Variants in TGFA observed in about 807,000 individuals in gnomAD.
TGFA encodes the protein protransforming growth factor alpha.
Under a neutral mutation model 21.7 loss-of-function variants are expected in TGFA, and 12 were observed. That is an observed-to-expected ratio of 0.55 (90% CI 0.35 to 0.90). The LOEUF (loss-of-function observed/expected upper bound fraction) is 0.90. Ranked by LOEUF, TGFA falls within the 40% of genes least tolerant of loss-of-function variation. The pLI, the probability that TGFA is intolerant of heterozygous loss-of-function variation, is 0.01. For missense variants in TGFA, 178 were observed against 210.8 expected (o/e 0.84, Z 0.96); for synonymous variants, 79 against 88.1 (o/e 0.90, Z 0.58).
rs1670479422 is a variant in TGFA at position 70,464,022 on chromosome 2, CCT to C, written c.215+1592_215+1593del. On this transcript the variant is annotated intron_variant, in intron 3 of 5. Coordinates refer to ENST00000295400, the MANE Select transcript of TGFA (RefSeq NM_003236.4). ...TCCGAGGAGGAGGGTGGCCAGTGTGCCTCTCCTTCTTTCTCTCCAGGTGAGGG... is the reference window on the plus strand; with the variant it reads ...TCCGAGGAGGAGGGTGGCCAGTGTGCCTCCTTCTTTCTCTCCAGGTGAGGG... 2.0e-5 allele frequency among the ~76,000 whole-genome samples: 3 copies of C among 152,316 alleles called. No individual in the cohort carries two copies. In the East Asian group the frequency reaches 5.8e-4, roughly 29 times the overall value.
intron 1 of TGFA, among the ~76,000 whole-genome samples, chr2:70,517,349 A>T (rs1672316036): frequency 6.6e-6 from 1 of 152,200 alleles, no homozygotes. Flanking sequence ...AGGCCCTGTG[A>T]TGAGCGGCAA....
At chr2:70,508,204 G>A (rs543808181) in intron 2 of TGFA, among the ~76,000 whole-genome samples, 1 of 152,278 alleles carries the variant, frequency 6.6e-6, no homozygotes, top group African/African-American at 2.4e-5. Flanking sequence ...CAGCACTTTG[G>A]GACGCTGAGG....
intron 2 of TGFA, among the ~76,000 whole-genome samples, chr2:70,466,538 CA>C (rs1670571189): frequency 1.3e-5 from 2 of 151,816 alleles, no homozygotes; most frequent in African/African-American, 2.4e-5. Context: ...AACAAACAAA[CA>C]AAAAAACCAA....
At chr2:70,452,492 A>C (rs782770173) in intron 5 of TGFA, among the ~76,000 whole-genome samples, 2 of 152,218 alleles carry the variant, frequency 1.3e-5, no homozygotes, top group Non-Finnish European at 2.9e-5. Context: ...GACCTTTCAT[A>C]GGCCAAATTC....
chr2:70,503,070 C>T (rs1553499444), intron 2 of TGFA, among the ~76,000 whole-genome samples: 1 of 152,170 alleles, frequency 6.6e-6, no homozygotes, highest in African/African-American at 2.4e-5. Flanking sequence ...CATCCCATTA[C>T]TGGTTATATA....
At chr2:70,529,948 A>C (rs1553503544) in intron 1 of TGFA, among the ~76,000 whole-genome samples, 2 of 152,202 alleles carry the variant, frequency 1.3e-5, no homozygotes, top group African/African-American at 4.8e-5. Context: ...CAGAGCCAGC[A>C]GAACTTCCTG....
chr2:70,547,526 G>A, intron 1 of TGFA, among the ~76,000 whole-genome samples: 1 of 140,684 alleles, frequency 7.1e-6, no homozygotes, highest in Non-Finnish European at 1.5e-5. Flanking sequence ...CTGGGCAACA[G>A]AGCGAGCCTC....
At chr2:70,551,136 A>G (rs1488099909) in intron 1 of TGFA, among the ~76,000 whole-genome samples, 1 of 152,214 alleles carries the variant, frequency 6.6e-6, no homozygotes, top group African/African-American at 2.4e-5. Flanking sequence ...CATACATTAA[A>G]TATATTCAAC....
chr2:70,507,730 A>G (rs1574114800), intron 2 of TGFA, among the ~76,000 whole-genome samples: 1 of 152,246 alleles, frequency 6.6e-6, no homozygotes, highest in Non-Finnish European at 1.5e-5. Flanking sequence ...GGTTATGTCC[A>G]TATTCACATC....
chr2:70,505,434 C>T (rs1163366007), intron 2 of TGFA, among the ~76,000 whole-genome samples: 1 of 152,134 alleles, frequency 6.6e-6, no homozygotes, highest in Non-Finnish European at 1.5e-5. Context: ...ATAGAGGCTC[C>T]TGTGGACTGT....
chr2:70,494,504 T>G (rs1671523874), intron 2 of TGFA, among the ~76,000 whole-genome samples: 1 of 152,230 alleles, frequency 6.6e-6, no homozygotes. Flanking sequence ...GCTTATTTCC[T>G]TAGGATAAAT....
chr2:70,547,681 T>C (rs1673350766), intron 1 of TGFA, among the ~76,000 whole-genome samples: 1 of 148,686 alleles, frequency 6.7e-6, no homozygotes, highest in Non-Finnish European at 1.5e-5. Flanking sequence ...ACTATCTATA[T>C]AATAGTATAA....
chr2:70,537,675 GA>G (rs1179431414), intron 1 of TGFA, among the ~76,000 whole-genome samples: 1 of 152,196 alleles, frequency 6.6e-6, no homozygotes, highest in Non-Finnish European at 1.5e-5. Context: ...CTTTGATTCT[GA>G]GAGAGGTGAA....
At chr2:70,500,623 C>G (rs1171343817) in intron 2 of TGFA, among the ~76,000 whole-genome samples, 1 of 152,104 alleles carries the variant, frequency 6.6e-6, no homozygotes, top group Non-Finnish European at 1.5e-5. Context: ...GAAACGTGAC[C>G]AGTAGGGAGG....
intron 2 of TGFA, among the ~76,000 whole-genome samples, chr2:70,510,506 C>G (rs956687592): frequency 6.6e-6 from 1 of 152,204 alleles, no homozygotes; most frequent in East Asian, 1.9e-4. Flanking sequence ...GATGAGGAAA[C>G]AAATCCAAAC....
At chr2:70,525,328 G>A (rs1422701099) in intron 1 of TGFA, among the ~76,000 whole-genome samples, 1 of 152,156 alleles carries the variant, frequency 6.6e-6, no homozygotes, top group Non-Finnish European at 1.5e-5. Flanking sequence ...GCATCAGCCT[G>A]GAAGTAGGGG....
At chr2:70,553,408 T>A in intron 1 of TGFA, 1 of 1,442,820 alleles carries the variant, frequency 6.9e-7, no homozygotes, top group Non-Finnish European at 9.0e-7. Context: ...CAGGTAGGTG[T>A]AGGCATGTGT....
intron 1 of TGFA, among the ~76,000 whole-genome samples, chr2:70,536,945 G>A (rs1010963250): frequency 1.3e-5 from 2 of 151,288 alleles, no homozygotes; most frequent in African/African-American, 4.8e-5. Context: ...GCTTTATTGT[G>A]CCTCACAGAT....
chr2:70,480,603 G>A (rs1671085264), intron 2 of TGFA, among the ~76,000 whole-genome samples: 1 of 152,060 alleles, frequency 6.6e-6, no homozygotes, highest in Non-Finnish European at 1.5e-5. Context: ...TGCCCACATG[G>A]TGACCAATAT....
Sources: allele counts gnomAD v4.1 joint callset (sites outside exome capture counted in the v4.1 genomes callset), GRCh38; gene constraint gnomAD v4.1.1; transcripts MANE v1.5; gene names NCBI Gene and HGNC (gene_info 2026-07-23, HGNC 2026-07-21).